IL1RL2: variants seen among roughly 807,000 people sequenced by gnomAD.
IL1RL2 encodes the protein interleukin 1 receptor like 2, also known as interleukin-1 receptor-like 2.
A neutral mutation model predicts 66.8 loss-of-function variants in IL1RL2; 68 were observed. The ratio of observed to expected loss-of-function variants is 1.02; its 90% confidence interval spans 0.84 to 1.25. The LOEUF is 1.25. Ranked by LOEUF, IL1RL2 falls within the 50% of genes most tolerant of loss-of-function variation. IL1RL2 has a pLI of 0.00. For synonymous variants in IL1RL2, 305 were observed against 264.6 expected (o/e 1.15, Z -1.48); for missense variants, 729 against 709.3 (o/e 1.03, Z -0.32).
At chr2:102,217,753 C>T (rs1559549993) in intron 6 of IL1RL2, among the ~76,000 whole-genome samples, 1 of 152,086 alleles carries the variant, frequency 6.6e-6, no homozygotes, top group South Asian at 2.1e-4. Flanking sequence ...AACTAGACCC[C>T]TATCTTTTAA....
intron 4 of IL1RL2, among the ~76,000 whole-genome samples, chr2:102,195,643 CTCTCTTTCTT>C (rs1472724199): frequency 0.019 from 1,168 of 61,722 alleles, 84 homozygotes; most frequent in African/African-American, 0.053. Flanking sequence ...CTCTCTCTCT[CTCTCTTTCTT>C]TCTTTCTTTC....
rs760247924 is a variant in IL1RL2, at chr2:102,225,935, C to T, written c.1029C>T (p.Ile343=). Residue 343 remains isoleucine (I), a synonymous_variant, in exon 9 of 12, where the codon ATC becomes ATT. Transcript: ENST00000264257. Reference sequence around the variant, plus strand: ...GAGCTTACTTGATAGGAGGGCTTATCGCCTTGGTGGCTGTGGCTGTGTCTG... The same window carrying T: ...GAGCTTACTTGATAGGAGGGCTTATTGCCTTGGTGGCTGTGGCTGTGTCTG... The part of the protein sequence containing the change: ...DFRAYLIGGL[I]ALVAVAVSVV... 2.0e-5 allele frequency: 32 copies of T among 1,604,358 alleles called. No individual in the cohort carries two copies. The highest frequency in any genetic ancestry group is 1.6e-4 in the South Asian group (14 of 89,370).
In IL1RL2 at chr2:102,225,951, G is replaced by T. The variant is rs1462955693; in HGVS notation, c.1045G>T (p.Ala349Ser). Residue 349 changes from alanine (A) to serine (S), a missense_variant, in exon 9 of 12, where the codon GCT becomes TCT. Ala to Ser is a moderately conservative substitution (Grantham distance 99). Coordinates refer to ENST00000264257, the MANE Select transcript of IL1RL2 (RefSeq NM_003854.4). ...AGGGCTTATCGCCTTGGTGGCTGTG[G>T]CTGTGTCTGTTGTGTACATATACAA... is the stretch of plus-strand genomic sequence containing the variant. ...IGGLIALVAV[A>S]VSVVYIYNIF... 3.7e-6 allele frequency: 6 copies of T among 1,609,854 alleles called. No individual in the cohort carries two copies. The South Asian group carries it at 5.5e-5, about 15-fold the overall frequency.
At chr2:102,242,827 T>A (rs980444619), downstream of IL1RL2, among the ~76,000 whole-genome samples, 5 of 152,174 alleles carry the variant, frequency 3.3e-5, no homozygotes, top group Admixed American at 6.5e-5. Context: ...GATGTTTAGG[T>A]TTGTTCTATT....
At chr2:102,229,502 GT>G (rs1447964622) in intron 9 of IL1RL2, among the ~76,000 whole-genome samples, 6 of 152,154 alleles carry the variant, frequency 3.9e-5, no homozygotes, top group Non-Finnish European at 7.3e-5. Flanking sequence ...AGTCTTGCTG[GT>G]CTCAGCTTCC....
chr2:102,212,225 T>C (rs747587889), intron 6 of IL1RL2, 51 bp downstream of exon 6: 2 of 1,247,980 alleles, frequency 1.6e-6, no homozygotes, highest in African/African-American at 1.5e-5. Context: ...GAGCTCATTA[T>C]GTTTGCATAT....
chr2:102,197,656 G>T (rs12987222), intron 4 of IL1RL2, among the ~76,000 whole-genome samples: 7,528 of 152,262 alleles, frequency 0.049, 211 homozygotes, highest in Middle Eastern at 0.15. Flanking sequence ...AAAGGTAAAG[G>T]TGAGGATGGA....
chr2:102,199,794 G>T (rs34888783), intron 4 of IL1RL2, among the ~76,000 whole-genome samples: 140 of 152,336 alleles, frequency 9.2e-4, no homozygotes, highest in African/African-American at 3.2e-3. Flanking sequence ...CCCAGAGACT[G>T]TGCCTAGCCA....
At chr2:102,207,092 A>G (rs1688770034) in intron 5 of IL1RL2, among the ~76,000 whole-genome samples, 1 of 152,078 alleles carries the variant, frequency 6.6e-6, no homozygotes, top group Non-Finnish European at 1.5e-5. Flanking sequence ...AAGAGCTCTT[A>G]AGTCAGCTTG....
chr2:102,189,075 G>A lies in IL1RL2; in HGVS notation c.59-1G>A, dbSNP rs756206562. 6.2e-7 allele frequency: 1 copy of A among 1,610,208 alleles called. No homozygotes were observed. Among genetic ancestry groups the A allele is most frequent in the Non-Finnish European group, 8.5e-7 (1 of 1,177,052 alleles). ...GTTTTGTTTTGTTTTTCTTTCCCTA[G>A]ATGGATGCAAGGACATTTTTATGAA... On this transcript the variant is annotated splice_acceptor_variant, in intron 2 of 11. Transcript: ENST00000264257. LOFTEE classifies it high-confidence loss of function.
chr2:102,192,969 G>T (rs981073750), intron 4 of IL1RL2, among the ~76,000 whole-genome samples: 4 of 152,116 alleles, frequency 2.6e-5, no homozygotes, highest in Non-Finnish European at 5.9e-5. Flanking sequence ...TTGTTTAGCA[G>T]CTCTTCTCTT....
At chr2:102,195,632 TCTCTCTCTCTC>T (rs1687679100) in intron 4 of IL1RL2, among the ~76,000 whole-genome samples, 1 of 29,624 alleles carries the variant, frequency 3.4e-5, no homozygotes, top group African/African-American at 8.8e-5. Context: ...TTTCTTTCTC[TCTCTCTCTCTC>T]TCTCTTTCTT....
chr2:102,221,506 C>T (rs1690126961), intron 8 of IL1RL2, among the ~76,000 whole-genome samples: 1 of 152,242 alleles, frequency 6.6e-6, no homozygotes, highest in Admixed American at 6.5e-5. Flanking sequence ...TAGTGGGACT[C>T]CTGTATCTTC....
intron 8 of IL1RL2, among the ~76,000 whole-genome samples, chr2:102,220,715 G>A (rs1318862345): frequency 1.4e-5 from 2 of 143,854 alleles, no homozygotes; most frequent in South Asian, 2.4e-4. Context: ...GCACACGCAC[G>A]TGTGTGGCTA....
At chr2:102,203,893 T>C (rs1039856702) in intron 5 of IL1RL2, among the ~76,000 whole-genome samples, 1 of 152,056 alleles carries the variant, frequency 6.6e-6, no homozygotes, top group Non-Finnish European at 1.5e-5. Context: ...TGTGTTTTTT[T>C]CATTTCAATT....
chr2:102,193,657 G>T (rs1687422636), intron 4 of IL1RL2, among the ~76,000 whole-genome samples: 1 of 152,182 alleles, frequency 6.6e-6, no homozygotes, highest in Admixed American at 6.5e-5. Flanking sequence ...TGGCTCACCA[G>T]GAGTATTCTA....
At position 102,234,978 on chromosome 2, in the gene IL1RL2, G is replaced by T. The variant is rs34290502; in HGVS notation, c.1379G>T (p.Gly460Val). 1.9e-6 allele frequency: 3 copies of T among 1,614,180 alleles called. No individual in the cohort carries two copies. The highest frequency in any genetic ancestry group is 2.7e-5 in the African/African-American group (2 of 75,034). The change falls in exon 11 of 12, where the codon GGC becomes GTC. Residue 460 changes from glycine (G) to valine (V), a missense_variant. Transcript: ENST00000264257. ...VIVVPESLGF[G>V]LLKNLSEEQI... ...GTGGTCCCCGAATCGCTGGGCTTTGGCCTGTTGAAGAACCTGTCAGAAGAA... is the reference window on the plus strand; with the variant it reads ...GTGGTCCCCGAATCGCTGGGCTTTGTCCTGTTGAAGAACCTGTCAGAAGAA...
Position 102,201,921 on chromosome 2 carries a change from T to G in IL1RL2, c.649+206T>G, listed in dbSNP as rs2104761267. On this transcript the variant is annotated intron_variant, in intron 5 of 11. Coordinates refer to ENST00000264257, the MANE Select transcript of IL1RL2 (RefSeq NM_003854.4). ...GCATGAGCAGCTTAGTTTCCTCTTC[T>G]GAACAACAGAACACTCAAAACTCTT... is the stretch of plus-strand genomic sequence containing the variant. Among the ~76,000 whole-genome samples, 2 of 152,294 alleles carry G rather than the reference T, an allele frequency of 1.3e-5. 1 individual carries two copies. Among genetic ancestry groups the G allele is most frequent in the South Asian group, 4.1e-4 (2 of 4,822 alleles).
Position 102,224,873 on chromosome 2 carries a change from A to T in IL1RL2, c.992-1025A>T, listed in dbSNP as rs34060841. Among the ~76,000 whole-genome samples, 321 of 152,206 alleles carry T rather than the reference A, an allele frequency of 2.1e-3. 1 individual carries two copies. The highest frequency in any genetic ancestry group is 3.4e-3 in the Non-Finnish European group (234 of 68,010). ...TGTGCAACTATTATGTACCTATAAA[A>T]TTTTTTTAAAATTAAAGTGCTCTAG... On this transcript the variant is annotated intron_variant, in intron 8 of 11. Coordinates refer to ENST00000264257, the MANE Select transcript of IL1RL2 (RefSeq NM_003854.4).
Sources: gnomAD v4.1 joint callset for allele counts (sites outside exome capture counted in the v4.1 genomes callset) on GRCh38, gnomAD v4.1.1 for gene constraint, MANE v1.5 for transcripts, NCBI Gene and HGNC (gene_info 2026-07-23, HGNC 2026-07-21) for gene names.